CACNB2: variants seen among roughly 807,000 people sequenced by gnomAD.
The protein encoded by CACNB2 is voltage-dependent L-type calcium channel subunit beta-2.
A neutral mutation model predicts 73.3 loss-of-function variants in CACNB2; 42 were observed. The observed-to-expected ratio is 0.57, with a 90% CI of 0.45 to 0.74. CACNB2 has a LOEUF of 0.74. Ranked by LOEUF, CACNB2 falls within the 30% of genes least tolerant of loss-of-function variation. CACNB2 has a pLI of 0.00. For missense variants in CACNB2, 940 were observed against 853.0 expected (o/e 1.10, Z -1.27); for synonymous variants, 348 against 310.3 (o/e 1.12, Z -1.28).
At chr10:18,449,719 C>G (rs1416240809) in intron 3 of CACNB2, among the ~76,000 whole-genome samples, 1 of 152,262 alleles carries the variant, frequency 6.6e-6, no homozygotes, top group Non-Finnish European at 1.5e-5. Context: ...GAATCTCTCT[C>G]TGACTGTTGG....
chr10:18,330,200 C>T (rs753052018), intron 2 of CACNB2, among the ~76,000 whole-genome samples: 8 of 152,070 alleles, frequency 5.3e-5, no homozygotes, highest in Middle Eastern at 3.4e-3. Flanking sequence ...TCCTAAAAAT[C>T]GCATTCATTA....
At chr10:18,501,492 G>C (rs2050190632) in intron 5 of CACNB2, among the ~76,000 whole-genome samples, 1 of 152,238 alleles carries the variant, frequency 6.6e-6, no homozygotes, top group Non-Finnish European at 1.5e-5. Context: ...AATTAGATGA[G>C]TTATGTAAGA....
intron 6 of CACNB2, 61 bp from the exon 7 acceptor site, chr10:18,514,174 AT>A: frequency 6.4e-7 from 1 of 1,567,750 alleles, no homozygotes; most frequent in Non-Finnish European, 8.8e-7. Flanking sequence ...CTTTCATTTT[AT>A]TTTCTTTATA....
intron 2 of CACNB2, among the ~76,000 whole-genome samples, chr10:18,388,624 A>C (rs1166746710): frequency 6.6e-6 from 1 of 152,112 alleles, no homozygotes; most frequent in African/African-American, 2.4e-5. Flanking sequence ...GTATATTAAT[A>C]TTTTACTACC....
At chr10:18,321,010 G>A (rs952389121) in intron 2 of CACNB2, among the ~76,000 whole-genome samples, 1 of 152,120 alleles carries the variant, frequency 6.6e-6, no homozygotes, top group Admixed American at 6.5e-5. Flanking sequence ...TTCCTTCTAA[G>A]GCAACTATTA....
chr10:18,513,461 C>A (rs1452483753), intron 6 of CACNB2: 3 of 249,490 alleles, frequency 1.2e-5, no homozygotes, highest in Non-Finnish European at 2.4e-5. Flanking sequence ...CAATGGTCAG[C>A]CACTATGCTC....
In CACNB2 at chr10:18,140,778, G is replaced by A; in HGVS notation, c.42G>A (p.Ala14=). The part of the protein sequence containing the change: ...RDMSKSPPTA[A]AAVAQEIQME... The stretch of plus-strand genomic sequence containing the variant: ...TGTCCAAGTCGCCTCCCACAGCGGC[G>A]GCGGCGGTGGCGCAGGAGATCCAGA... The change falls in exon 1 of 14, where the codon GCG becomes GCA. Residue 14 remains alanine, a synonymous_variant. Transcript: ENST00000324631. The A allele has an allele frequency of 1.9e-6, 3 of 1,598,070 alleles. No individual in the cohort carries two copies. The highest frequency in any genetic ancestry group is 4.5e-5 in the East Asian group (2 of 44,288).
At chr10:18,514,671 C>A in intron 7 of CACNB2, 1 of 982,016 alleles carries the variant, frequency 1.0e-6, no homozygotes, top group South Asian at 1.3e-5. Context: ...CATTTCAAAC[C>A]AACTAAATTC....
rs73603713 is a variant in CACNB2 at position 18,315,812 on chromosome 10, T to C, written c.214-86112T>C. Among the ~76,000 whole-genome samples, 777 of 152,290 alleles carry C rather than the reference T, an allele frequency of 5.1e-3. 6 individuals carry two copies. The highest frequency in any genetic ancestry group is 0.017 in the African/African-American group (721 of 41,568). On this transcript the variant is annotated intron_variant, in intron 2 of 13. Coordinates refer to ENST00000324631, the MANE Select transcript of CACNB2 (RefSeq NM_201596.3). ...GATGTGTAGCGCTTTCCAATTTCCATGGTATAAATACTCCCACCATGGACA... is the reference window on the plus strand; with the variant it reads ...GATGTGTAGCGCTTTCCAATTTCCACGGTATAAATACTCCCACCATGGACA...
chr10:18,343,212 G>A (rs2041303941), intron 2 of CACNB2, among the ~76,000 whole-genome samples: 1 of 152,050 alleles, frequency 6.6e-6, no homozygotes, highest in South Asian at 2.1e-4. Flanking sequence ...TTTAATAACT[G>A]CAATTGAGTG....
chr10:18,486,230 T>C (rs1481892045), intron 3 of CACNB2, among the ~76,000 whole-genome samples: 1 of 152,206 alleles, frequency 6.6e-6, no homozygotes, highest in Non-Finnish European at 1.5e-5. Context: ...CACTGGCACA[T>C]TTTTATTAAA....
intron 2 of CACNB2, among the ~76,000 whole-genome samples, chr10:18,343,123 C>CG (rs1356396715): frequency 1.3e-5 from 2 of 152,150 alleles, no homozygotes; most frequent in Non-Finnish European, 2.9e-5. Context: ...ATATATAGAT[C>CG]AGTCTAACTA....
rs977562855 is a variant in CACNB2 at position 18,222,155 on chromosome 10, A to G, written c.213+71180A>G. On this transcript the variant is annotated intron_variant, in intron 2 of 13. Coordinates refer to ENST00000324631, the MANE Select transcript of CACNB2 (RefSeq NM_201596.3). ...CCTGCCACATTCACATCACAATCCG[A>G]TCCAACCTCTAGATTGAAACAGCAG... Among the ~76,000 whole-genome samples the G allele has an allele frequency of 8.5e-5, 13 of 152,302 alleles. No homozygotes were observed. The East Asian group carries it at 2.5e-3, about 29-fold the overall frequency.
intron 2 of CACNB2, among the ~76,000 whole-genome samples, chr10:18,355,868 C>T (rs1197547095): frequency 6.6e-6 from 1 of 152,072 alleles, no homozygotes; most frequent in East Asian, 1.9e-4. Flanking sequence ...GAACTCCTGG[C>T]CTCATGATCC....
chr10:18,141,232 G>T (rs894080265), intron 1 of CACNB2: 2 of 1,410,370 alleles, frequency 1.4e-6, no homozygotes, highest in South Asian at 2.5e-5. Flanking sequence ...CCGGGTGGGC[G>T]GGAGGGGGCC....
At chr10:18,310,345 C>A (rs2039909469) in intron 2 of CACNB2, among the ~76,000 whole-genome samples, 1 of 151,884 alleles carries the variant, frequency 6.6e-6, no homozygotes, top group African/African-American at 2.4e-5. Flanking sequence ...GTGGCTCACG[C>A]CCGTAATCCC....
At chr10:18,198,540 G>A (rs1242588694) in intron 2 of CACNB2, among the ~76,000 whole-genome samples, 1 of 152,124 alleles carries the variant, frequency 6.6e-6, no homozygotes, top group African/African-American at 2.4e-5. Context: ...TTTATGATAT[G>A]ACATTGATGA....
chr10:18,465,067 C>T lies in CACNB2; in HGVS notation c.334-33288C>T, dbSNP rs368988540. 1.1e-4 allele frequency among the ~76,000 whole-genome samples: 17 copies of T among 152,280 alleles called. No homozygotes were observed. In the East Asian group the frequency reaches 2.5e-3, roughly 23 times the overall value. ...AGAAACAGCCGGGCATGGTGGCTCA[C>T]GCCTGTAATCCCAGCACTTTGGGAG... On this transcript the variant is annotated intron_variant, in intron 3 of 13. Coordinates refer to ENST00000324631, the MANE Select transcript of CACNB2 (RefSeq NM_201596.3).
intron 9 of CACNB2, among the ~76,000 whole-genome samples, chr10:18,522,187 C>A (rs1221467917): frequency 6.6e-6 from 1 of 151,962 alleles, no homozygotes; most frequent in Non-Finnish European, 1.5e-5. Flanking sequence ...CCATAAAGGA[C>A]CATCTAGTTG....
Sources: gnomAD v4.1 joint callset for allele counts (sites outside exome capture counted in the v4.1 genomes callset) on GRCh38, gnomAD v4.1.1 for gene constraint, MANE v1.5 for transcripts, NCBI Gene and HGNC (gene_info 2026-07-23, HGNC 2026-07-21) for gene names.